ULK4: variants seen among roughly 807,000 people sequenced by gnomAD.
ULK4 encodes the protein unc-51 like kinase 4, also known as inactive serine/threonine-protein kinase ULK4.
In ULK4, 133 loss-of-function variants were observed where a neutral mutation model predicts 160.6. That is an observed-to-expected ratio of 0.83 (90% CI 0.72 to 0.96). The LOEUF (loss-of-function observed/expected upper bound fraction) is 0.96. Among genes scored for constraint, ULK4 ranks in the 40% least tolerant of loss-of-function variants. ULK4 has a pLI of 0.00. For missense variants in ULK4, 1,580 were observed against 1,499.5 expected, an observed-to-expected ratio of 1.05 and a Z score of -0.89; for synonymous variants, 534 against 539.8, an observed-to-expected ratio of 0.99 and a Z score of 0.15.
chr3:41,632,804 G>T lies in ULK4; in HGVS notation c.3072-17087C>A, dbSNP rs975884766. 2.6e-5 allele frequency among the ~76,000 whole-genome samples: 4 copies of T among 151,832 alleles called. No individual in the cohort carries two copies. In the East Asian group the frequency reaches 5.8e-4, roughly 22 times the overall value. ...TTCAGATGACAAATTAAGGCAGAAA[G>T]AACTTAAGTAAACCAGTTAAGTGGC... is the stretch of plus-strand genomic sequence containing the variant. On this transcript the variant is annotated intron_variant, in intron 30 of 36. Transcript: ENST00000301831.
chr3:41,351,046 C>T (rs2080899235), intron 35 of ULK4, among the ~76,000 whole-genome samples: 1 of 152,230 alleles, frequency 6.6e-6, no homozygotes, highest in African/African-American at 2.4e-5. Flanking sequence ...AAACTTCTCC[C>T]TGGCAGACTG....
intron 35 of ULK4, among the ~76,000 whole-genome samples, chr3:41,307,170 A>G (rs2079961702): frequency 7.2e-6 from 1 of 139,688 alleles, no homozygotes; most frequent in Non-Finnish European, 1.6e-5. Flanking sequence ...AAAAAAAAAA[A>G]AAACTGGAAT....
At chr3:41,824,460 C>T (rs1020731669) in intron 18 of ULK4, among the ~76,000 whole-genome samples, 6 of 152,122 alleles carry the variant, frequency 3.9e-5, no homozygotes, top group African/African-American at 7.2e-5. Context: ...TCGGGTCACT[C>T]GCACCCTAAT....
intron 22 of ULK4, among the ~76,000 whole-genome samples, chr3:41,744,182 G>C (rs1189463738): frequency 6.6e-6 from 1 of 151,830 alleles, no homozygotes; most frequent in African/African-American, 2.4e-5. Context: ...GGAATAAAAT[G>C]TCAGACTTAA....
At chr3:41,908,335 C>G (rs1487073743) in intron 11 of ULK4, among the ~76,000 whole-genome samples, 1 of 152,140 alleles carries the variant, frequency 6.6e-6, no homozygotes, top group East Asian at 1.9e-4. Context: ...AAATAAGTAA[C>G]AAGGGAGTTA....
intron 21 of ULK4, among the ~76,000 whole-genome samples, chr3:41,764,315 T>C (rs1273292275): frequency 6.6e-6 from 1 of 152,194 alleles, no homozygotes; most frequent in Non-Finnish European, 1.5e-5. Flanking sequence ...AAAATACAAT[T>C]GGTGCTTTTT....
intron 19 of ULK4, among the ~76,000 whole-genome samples, chr3:41,816,393 G>A (rs532674591): frequency 6.1e-4 from 93 of 152,156 alleles, no homozygotes; most frequent in African/African-American, 2.1e-3. Context: ...GAGTTCCTAC[G>A]AAGCAATAGG....
chr3:41,451,309 C>T (rs1026541829), intron 34 of ULK4, among the ~76,000 whole-genome samples: 2 of 151,818 alleles, frequency 1.3e-5, no homozygotes, highest in African/African-American at 2.4e-5. Flanking sequence ...TTCCAAGAAT[C>T]GTCTTGTAAA....
chr3:41,429,202 A>G (rs2082847127), intron 34 of ULK4, among the ~76,000 whole-genome samples: 1 of 152,224 alleles, frequency 6.6e-6, no homozygotes, highest in Admixed American at 6.5e-5. Context: ...ACAGTGACTT[A>G]CCATCTCATG....
Position 41,873,593 on chromosome 3 carries a change from G to A in ULK4, c.1656+10281C>T, listed in dbSNP as rs550013416. 1.1e-3 allele frequency among the ~76,000 whole-genome samples: 164 copies of A among 152,130 alleles called. 3 individuals are homozygous for A. The highest frequency in any genetic ancestry group is 3.8e-3 in the African/African-American group (157 of 41,494). On this transcript the variant is annotated intron_variant, in intron 17 of 36. Transcript: ENST00000301831. Reference sequence around the variant, plus strand: ...TTTCGAGATGGAGTCTCACTCTGTCGCCCAGGCTAGAGCGCAGTTGTGCGA... The same window carrying A: ...TTTCGAGATGGAGTCTCACTCTGTCACCCAGGCTAGAGCGCAGTTGTGCGA...
rs146839437 is a variant in ULK4 at position 41,885,388 on chromosome 3, C to A, written c.1578-1436G>T. ...TCACTTATGAATATTCACTTTTTAC[C>A]AAAATCCTAAATACAAGTACCACAT... On this transcript the variant is annotated intron_variant, in intron 16 of 36. Coordinates refer to ENST00000301831, the MANE Select transcript of ULK4 (RefSeq NM_017886.4). Among the ~76,000 whole-genome samples the A allele has an allele frequency of 3.1e-3, 474 of 151,986 alleles. 1 individual carries two copies. Among genetic ancestry groups the A allele is most frequent in the African/African-American group, 0.011 (450 of 41,438 alleles).
rs1173995117 is a variant in ULK4 at position 41,902,968 on chromosome 3, T to C, written c.1183-2139A>G. Among the ~76,000 whole-genome samples, 5 of 152,204 alleles carry C rather than the reference T, an allele frequency of 3.3e-5. No individual in the cohort carries two copies. In the East Asian group the frequency reaches 7.7e-4, roughly 23 times the overall value. ...TGAAGACACTTAAATATATACATCA[T>C]ACTTGCTTCAGTGGAGAATGGATGG... On this transcript the variant is annotated intron_variant, in intron 12 of 36. Coordinates refer to ENST00000301831, the MANE Select transcript of ULK4 (RefSeq NM_017886.4).
chr3:41,455,921 T>C (rs562752329), intron 33 of ULK4, among the ~76,000 whole-genome samples: 14 of 152,290 alleles, frequency 9.2e-5, no homozygotes, highest in Admixed American at 9.2e-4. Context: ...ATCTTTTTTT[T>C]CTTTTTGAGT....
intron 32 of ULK4, among the ~76,000 whole-genome samples, chr3:41,484,160 G>C (rs1232018758): frequency 6.6e-6 from 1 of 152,156 alleles, no homozygotes; most frequent in African/African-American, 2.4e-5. Flanking sequence ...TTCTGAGTCA[G>C]CATCAGGTGA....
At chr3:41,782,067 T>C (rs1351557399) in intron 21 of ULK4, among the ~76,000 whole-genome samples, 1 of 152,214 alleles carries the variant, frequency 6.6e-6, no homozygotes, top group African/African-American at 2.4e-5. Context: ...ATTGAACACA[T>C]GCACACATCC....
At position 41,506,764 on chromosome 3, in the gene ULK4, T is replaced by TA. The variant is rs200785051; in HGVS notation, c.3227-43512dup. Among the ~76,000 whole-genome samples, 57 of 19,926 alleles carry TA rather than the reference T, an allele frequency of 2.9e-3. 13 individuals carry two copies. The highest frequency in any genetic ancestry group is 5.0e-3 in the Admixed American group (5 of 1,000). 13.1% of individuals were successfully genotyped at this position (19,926 alleles called of 152,430 possible). On this transcript the variant is annotated intron_variant, in intron 32 of 36. Coordinates refer to ENST00000301831, the MANE Select transcript of ULK4 (RefSeq NM_017886.4). The stretch of plus-strand genomic sequence containing the variant: ...CAAAGCAATACACTGGAGTGTGATT[T>TA]AAAATATATATATATATATATATAT...
At chr3:41,568,047 A>G (rs1189276945) in intron 31 of ULK4, among the ~76,000 whole-genome samples, 1 of 152,178 alleles carries the variant, frequency 6.6e-6, no homozygotes, top group Non-Finnish European at 1.5e-5. Context: ...TCTGTTCCAG[A>G]ATTCAATCAA....
chr3:41,734,001 T>C (rs952359103), intron 22 of ULK4, among the ~76,000 whole-genome samples: 14 of 152,122 alleles, frequency 9.2e-5, no homozygotes, highest in African/African-American at 3.4e-4. Flanking sequence ...CCTCCCAAAG[T>C]GCTTAGGATT....
intron 22 of ULK4, among the ~76,000 whole-genome samples, chr3:41,725,880 T>C (rs1441533236): frequency 6.6e-6 from 1 of 152,210 alleles, no homozygotes; most frequent in African/African-American, 2.4e-5. Context: ...ATCTAGATCA[T>C]CTTAATCCAA....
Sources: gnomAD v4.1 joint callset for allele counts (sites outside exome capture counted in the v4.1 genomes callset) on GRCh38, gnomAD v4.1.1 for gene constraint, MANE v1.5 for transcripts, NCBI Gene and HGNC (gene_info 2026-07-23, HGNC 2026-07-21) for gene names.